Variants in SYT1 observed in about 807,000 individuals in gnomAD.
SYT1 encodes synaptotagmin 1.
SYT1 carries 8 observed loss-of-function variants against 44.8 expected under a neutral mutation model. The ratio of observed to expected loss-of-function variants is 0.18; its 90% confidence interval spans 0.10 to 0.32. SYT1 has a LOEUF of 0.32. Among genes scored for constraint, SYT1 ranks in the 10% least tolerant of loss-of-function variants. SYT1 has a pLI of 1.00. For synonymous variants in SYT1, 154 were observed against 188.8 expected (o/e 0.82, Z 1.51); for missense variants, 286 against 509.3 (o/e 0.56, Z 4.22).
chr12:78,962,112 T>C (rs1018410714), intron 1 of SYT1, among the ~76,000 whole-genome samples: 25 of 152,270 alleles, frequency 1.6e-4, no homozygotes, highest in Non-Finnish European at 5.9e-5. Context: ...TTAGGTTTGC[T>C]TACTTCAGTG....
intron 3 of SYT1, among the ~76,000 whole-genome samples, chr12:79,170,274 A>G (rs61927321): frequency 0.066 from 10,031 of 152,152 alleles, 374 homozygotes; most frequent in African/African-American, 0.095. Context: ...GCATTGCCAC[A>G]CTGTCTTCTA....
chr12:79,278,923 T>C (rs1031750239), intron 4 of SYT1, among the ~76,000 whole-genome samples: 1 of 149,902 alleles, frequency 6.7e-6, no homozygotes, highest in Non-Finnish European at 1.5e-5. Context: ...GATAAATTCC[T>C]AAAAACATAT....
chr12:78,993,187 A>C (rs918061452), intron 2 of SYT1, among the ~76,000 whole-genome samples: 5 of 152,192 alleles, frequency 3.3e-5, no homozygotes, highest in African/African-American at 1.2e-4. Flanking sequence ...ATTATCCTGA[A>C]CCCCAATCTG....
intron 9 of SYT1, among the ~76,000 whole-genome samples, chr12:79,363,989 A>G (rs1883432676): frequency 6.6e-6 from 1 of 152,174 alleles, no homozygotes; most frequent in South Asian, 2.1e-4. Context: ...ACCCTGCCTA[A>G]ACAATCAGTT....
intron 8 of SYT1, among the ~76,000 whole-genome samples, chr12:79,353,046 A>C (rs559139905): frequency 6.6e-6 from 1 of 152,350 alleles, no homozygotes; most frequent in African/African-American, 2.4e-5. Flanking sequence ...TTTTCCCAAA[A>C]ACCTAGAGTA....
chr12:79,395,918 G>A (rs1468091060), intron 9 of SYT1, among the ~76,000 whole-genome samples: 2 of 152,138 alleles, frequency 1.3e-5, no homozygotes, highest in African/African-American at 4.8e-5. Flanking sequence ...AATAAATTTA[G>A]GGAGACATCT....
At chr12:78,907,913 G>A (rs1876088851) in intron 1 of SYT1, among the ~76,000 whole-genome samples, 1 of 151,952 alleles carries the variant, frequency 6.6e-6, no homozygotes, top group South Asian at 2.1e-4. Context: ...AAGGTAATGA[G>A]TAATTTAATT....
intron 4 of SYT1, among the ~76,000 whole-genome samples, chr12:79,246,071 T>TA (rs1269533183): frequency 1.3e-5 from 2 of 152,122 alleles, no homozygotes; most frequent in South Asian, 2.1e-4. Context: ...TCTTTTATTT[T>TA]AAAAAATAGG....
chr12:79,094,804 T>TACAAGAA (rs1396011894), intron 3 of SYT1, among the ~76,000 whole-genome samples: 1 of 151,882 alleles, frequency 6.6e-6, no homozygotes, highest in African/African-American at 2.4e-5. Context: ...AAGGTATATC[T>TACAAGAA]ACAAGAAACT....
intron 1 of SYT1, among the ~76,000 whole-genome samples, chr12:78,941,866 G>A (rs1878395437): frequency 1.3e-5 from 2 of 152,176 alleles, no homozygotes; most frequent in South Asian, 4.1e-4. Flanking sequence ...AAAAGAGAGG[G>A]AAGGGCTGAA....
At chr12:78,928,153 C>G (rs979055540) in intron 1 of SYT1, among the ~76,000 whole-genome samples, 2 of 152,080 alleles carry the variant, frequency 1.3e-5, no homozygotes, top group Non-Finnish European at 2.9e-5. Flanking sequence ...TAGTAACTAT[C>G]ATAGAAGCAT....
At chr12:79,136,453 T>A (rs760105141) in intron 3 of SYT1, among the ~76,000 whole-genome samples, 51 of 152,350 alleles carry the variant, frequency 3.3e-4, no homozygotes, top group Admixed American at 1.9e-3. Context: ...CTTGACCAGC[T>A]GTAAACTTGA....
At chr12:79,084,737 A>C (rs1411393913) in intron 3 of SYT1, among the ~76,000 whole-genome samples, 1 of 152,172 alleles carries the variant, frequency 6.6e-6, no homozygotes, top group African/African-American at 2.4e-5. Context: ...ACTACAAGTA[A>C]AATTTTAAAA....
At chr12:79,321,236 T>G (rs1881344456) in intron 8 of SYT1, among the ~76,000 whole-genome samples, 1 of 152,176 alleles carries the variant, frequency 6.6e-6, no homozygotes, top group Non-Finnish European at 1.5e-5. Flanking sequence ...GGCCAAAAAT[T>G]TAAATCAAAA....
chr12:78,878,454 CAT>C (rs1050720089), intron 1 of SYT1, among the ~76,000 whole-genome samples: 9 of 151,884 alleles, frequency 5.9e-5, no homozygotes, highest in Non-Finnish European at 1.3e-4. Flanking sequence ...GAAAATTAGA[CAT>C]ATGAGTAACG....
chr12:79,353,687 A>G, intron 9 of SYT1, 68 bp downstream of exon 9: 2 of 1,079,098 alleles, frequency 1.9e-6, no homozygotes, highest in Non-Finnish European at 2.9e-6. Flanking sequence ...TGCATGGCGC[A>G]CATGCTGCGA....
chr12:79,346,945 G>T (rs755528115), intron 8 of SYT1, among the ~76,000 whole-genome samples: 1 of 152,016 alleles, frequency 6.6e-6, no homozygotes, highest in Non-Finnish European at 1.5e-5. Context: ...TAATCTCGAG[G>T]CACCATTCTA....
chr12:79,170,232 T>A (rs1449181976), intron 3 of SYT1, among the ~76,000 whole-genome samples: 2 of 152,138 alleles, frequency 1.3e-5, no homozygotes, highest in African/African-American at 4.8e-5. Context: ...GATTGCTGGG[T>A]CAAATGGTAG....
intron 3 of SYT1, among the ~76,000 whole-genome samples, chr12:79,052,014 CT>C (rs1874536753): frequency 6.6e-6 from 1 of 152,026 alleles, no homozygotes; most frequent in African/African-American, 2.4e-5. Context: ...AATGCAGGCT[CT>C]TTTTTGGTTC....
Sources: allele counts gnomAD v4.1 joint callset (sites outside exome capture counted in the v4.1 genomes callset), GRCh38; gene constraint gnomAD v4.1.1; transcripts MANE v1.5; gene names NCBI Gene and HGNC (gene_info 2026-07-23, HGNC 2026-07-21).